Variants in ARL6IP6 observed in about 807,000 individuals in gnomAD.
ARL6IP6 encodes the protein ARF like GTPase 6 interacting protein 6.
Under a neutral mutation model 21.5 loss-of-function variants are expected in ARL6IP6, and 22 were observed. The ratio of observed to expected loss-of-function variants is 1.02; its 90% CI spans 0.73 to 1.46. The LOEUF (loss-of-function observed/expected upper bound fraction) is 1.46. Among genes scored for constraint, ARL6IP6 ranks in the 40% most tolerant of loss-of-function variants. The probability of loss-of-function intolerance (pLI) is 0.00; values close to 1 mark genes in which losing one functional copy is unlikely to be tolerated. For missense variants in ARL6IP6, 388 were observed against 299.8 expected (o/e 1.29, Z -2.17); for synonymous variants, 164 against 125.3 (o/e 1.31, Z -2.06).
At chr2:152,740,520 T>C (rs1700758288) in intron 3 of ARL6IP6, among the ~76,000 whole-genome samples, 2 of 152,068 alleles carry the variant, frequency 1.3e-5, no homozygotes, top group Admixed American at 6.6e-5. Context: ...CACAAATGAA[T>C]ACAAAATATA....
Position 152,760,666 on chromosome 2 carries a change from A to G in ARL6IP6, c.*826A>G, listed in dbSNP as rs1031746320. ...TGAGAAAAAATTTGAAATTTTTACTATTTCTGTTTCCACAATTCCAAATAT... is the reference window on the plus strand; with the variant it reads ...TGAGAAAAAATTTGAAATTTTTACTGTTTCTGTTTCCACAATTCCAAATAT... On this transcript the variant is annotated 3_prime_UTR_variant, in exon 4 of 4. Coordinates refer to ENST00000326446, the MANE Select transcript of ARL6IP6 (RefSeq NM_152522.7). The G allele has an allele frequency of 2.0e-5, 3 of 152,000 alleles. No homozygotes were observed. Among genetic ancestry groups the G allele is most frequent in the African/African-American group, 7.2e-5 (3 of 41,444 alleles). 9.4% of individuals were successfully genotyped at this position (152,000 alleles called of 1,614,324 possible). A position where few individuals can be genotyped will look rare whatever the true frequency, so the allele number is the denominator to read the frequency against.
At chr2:152,729,330 T>TTGTGTG (rs1460387959) in intron 2 of ARL6IP6, among the ~76,000 whole-genome samples, 2 of 57,470 alleles carry the variant, frequency 3.5e-5, no homozygotes, top group African/African-American at 1.4e-4. Context: ...GAGCCAGACT[T>TTGTGTG]TGTCTGTGTG....
At chr2:152,735,248 A>G (rs1700499995) in intron 3 of ARL6IP6, 122 bp downstream of exon 3, 1 of 1,028,348 alleles carries the variant, frequency 9.7e-7, no homozygotes, top group Non-Finnish European at 1.4e-6. Flanking sequence ...ATAAAGCACT[A>G]ATAACAGGAC....
chr2:152,737,923 C>T (rs1473137789), intron 3 of ARL6IP6, among the ~76,000 whole-genome samples: 2 of 152,170 alleles, frequency 1.3e-5, no homozygotes, highest in Non-Finnish European at 2.9e-5. Context: ...TCAGCATTAA[C>T]TCATAAGTCC....
intron 2 of ARL6IP6, chr2:152,732,537 T>C (rs1408381170): frequency 1.3e-5 from 6 of 456,864 alleles, no homozygotes; most frequent in Non-Finnish European, 2.7e-5. Flanking sequence ...CTAGGAATTA[T>C]CTGTATTAGC....
chr2:152,735,734 A>G (rs535394960), intron 3 of ARL6IP6, among the ~76,000 whole-genome samples: 16 of 152,286 alleles, frequency 1.1e-4, no homozygotes, highest in Admixed American at 6.5e-4. Flanking sequence ...TTCCGAAATA[A>G]GAACATCTAA....
intron 3 of ARL6IP6, among the ~76,000 whole-genome samples, chr2:152,747,610 C>T (rs151192020): frequency 0.011 from 1,646 of 151,594 alleles, 27 homozygotes; most frequent in African/African-American, 0.038. Flanking sequence ...TAGTCTCACT[C>T]TGTCACCCAG....
chr2:152,758,029 T>C (rs1701666577), intron 3 of ARL6IP6, among the ~76,000 whole-genome samples: 1 of 152,196 alleles, frequency 6.6e-6, no homozygotes, highest in African/African-American at 2.4e-5. Context: ...TGATTAACTT[T>C]ATTGGGTGAG....
intron 3 of ARL6IP6, among the ~76,000 whole-genome samples, chr2:152,745,880 TTTCATTAC>T (rs1701018487): frequency 6.6e-6 from 1 of 152,168 alleles, no homozygotes; most frequent in Non-Finnish European, 1.5e-5. Flanking sequence ...GTAAGATATA[TTTCATTAC>T]TGTTCTGAAT....
At chr2:152,723,998 T>TG (rs1464575951) in intron 2 of ARL6IP6, among the ~76,000 whole-genome samples, 1 of 151,628 alleles carries the variant, frequency 6.6e-6, no homozygotes, top group African/African-American at 2.4e-5. Flanking sequence ...TGTGGCTGGG[T>TG]GGGGTAGCTC....
intron 3 of ARL6IP6, among the ~76,000 whole-genome samples, chr2:152,755,439 G>C (rs1291569184): frequency 1.3e-5 from 2 of 152,116 alleles, no homozygotes; most frequent in African/African-American, 4.8e-5. Context: ...CATTGGCCAC[G>C]CTCCTGGTCC....
Position 152,761,594 on chromosome 2 carries a change from C to T in ARL6IP6, c.*1754C>T, listed in dbSNP as rs552220046. Among the ~76,000 whole-genome samples, 94 of 152,238 alleles carry T rather than the reference C, an allele frequency of 6.2e-4. 1 individual carries two copies. The highest frequency in any genetic ancestry group is 2.1e-3 in the African/African-American group (88 of 41,552). On this transcript the variant is annotated 3_prime_UTR_variant, in exon 4 of 4. Coordinates refer to ENST00000326446, the MANE Select transcript of ARL6IP6 (RefSeq NM_152522.7). Reference sequence around the variant, plus strand: ...CCATATAACAACGTTTTGGTCACAACGAACTGTACTTATGATAGTGAATCC... The same window carrying T: ...CCATATAACAACGTTTTGGTCACAATGAACTGTACTTATGATAGTGAATCC...
At position 152,759,915 on chromosome 2, in the gene ARL6IP6, C is replaced by A; in HGVS notation, c.*75C>A. On this transcript the variant is annotated 3_prime_UTR_variant, in exon 4 of 4. Coordinates refer to ENST00000326446, the MANE Select transcript of ARL6IP6 (RefSeq NM_152522.7). ...TAATAACAAGAAGGAGCATCACTGT[C>A]TACTCAGAAGACTGAGAAACCTGCT... 2.3e-6 allele frequency: 3 copies of A among 1,283,070 alleles called. No homozygotes were observed. Among genetic ancestry groups the A allele is most frequent in the Non-Finnish European group, 3.4e-6 (3 of 884,296 alleles). 79.5% of individuals were successfully genotyped at this position (1,283,070 alleles called of 1,614,324 possible).
At chr2:152,727,095 T>A (rs990565115) in intron 2 of ARL6IP6, among the ~76,000 whole-genome samples, 1 of 152,212 alleles carries the variant, frequency 6.6e-6, no homozygotes, top group African/African-American at 2.4e-5. Context: ...GAAGGCATTG[T>A]TGTCATAGGA....
chr2:152,750,681 C>G (rs1451572207), intron 3 of ARL6IP6, among the ~76,000 whole-genome samples: 1 of 152,192 alleles, frequency 6.6e-6, no homozygotes, highest in Non-Finnish European at 1.5e-5. Flanking sequence ...CATTGCTGTA[C>G]CTTTTAAAAC....
chr2:152,737,239 G>C (rs964235607), intron 3 of ARL6IP6, among the ~76,000 whole-genome samples: 1 of 151,982 alleles, frequency 6.6e-6, no homozygotes, highest in Non-Finnish European at 1.5e-5. Context: ...TACTCTTGCT[G>C]TTCTCTCTCC....
At chr2:152,736,278 C>G (rs999334822) in intron 3 of ARL6IP6, among the ~76,000 whole-genome samples, 2 of 152,076 alleles carry the variant, frequency 1.3e-5, no homozygotes, top group East Asian at 1.9e-4. Flanking sequence ...GGTAATGAGA[C>G]TCGTTTCAAA....
At chr2:152,737,661 T>C (rs1389267095) in intron 3 of ARL6IP6, among the ~76,000 whole-genome samples, 1 of 152,172 alleles carries the variant, frequency 6.6e-6, no homozygotes, top group Non-Finnish European at 1.5e-5. Context: ...GGAACTGCTC[T>C]TTATAAAACT....
chr2:152,737,623 T>C (rs531016213), intron 3 of ARL6IP6, among the ~76,000 whole-genome samples: 5 of 152,286 alleles, frequency 3.3e-5, no homozygotes. Flanking sequence ...GCACATCTTA[T>C]ATGATGGCAG....
Sources: allele counts gnomAD v4.1 joint callset (sites outside exome capture counted in the v4.1 genomes callset), GRCh38; gene constraint gnomAD v4.1.1; transcripts MANE v1.5; gene names NCBI Gene and HGNC (gene_info 2026-07-23, HGNC 2026-07-21).